TMEM9: variants seen among roughly 807,000 people sequenced by gnomAD.
TMEM9 encodes the protein proton-transporting V-type ATPase complex assembly regulator TMEM9.
Under a neutral mutation model 22.8 loss-of-function variants are expected in TMEM9, and 13 were observed. That is an observed-to-expected ratio of 0.57 (90% CI 0.37 to 0.91). The LOEUF (loss-of-function observed/expected upper bound fraction) is 0.91, where lower values mean the gene tolerates loss of function less well. TMEM9 is among the 40% of genes least tolerant of loss of function. The pLI is 0.01. For synonymous variants in TMEM9, 88 were observed against 93.0 expected (o/e 0.95, Z 0.31); for missense variants, 182 against 238.1 (o/e 0.76, Z 1.55).
In TMEM9 at chr1:201,165,957, G is replaced by A. The variant is rs570125935; in HGVS notation, c.-37+5533C>T. On this transcript the variant is annotated intron_variant, in intron 1 of 5. Coordinates refer to the TMEM9 transcript ENST00000367333. ...CTTTCTTCGTGGTCCAGGACATAGA[G>A]CCCTCCCGTGCAAATATCTCACAAT... 6.9e-4 allele frequency among the ~76,000 whole-genome samples: 105 copies of A among 152,260 alleles called. 1 individual carries two copies. The highest frequency in any genetic ancestry group is 1.3e-3 in the Non-Finnish European group (86 of 68,012).
At chr1:201,148,878 T>G (rs12028763) in intron 2 of TMEM9, among the ~76,000 whole-genome samples, 6,879 of 151,586 alleles carry the variant, frequency 0.045, 325 homozygotes, top group East Asian at 0.15. Context: ...AGGCCTTGCA[T>G]GCTGCTTCCG....
At chr1:201,147,158 C>T (rs1394243584) in intron 2 of TMEM9, among the ~76,000 whole-genome samples, 6 of 152,188 alleles carry the variant, frequency 3.9e-5, no homozygotes, top group Non-Finnish European at 7.3e-5. Flanking sequence ...TATGTTCTCC[C>T]GGCATGTGCT....
chr1:201,137,737 C>T (rs539434601), intron 4 of TMEM9, among the ~76,000 whole-genome samples: 138 of 152,326 alleles, frequency 9.1e-4, no homozygotes, highest in Non-Finnish European at 1.5e-3. Flanking sequence ...TGTCACAGAG[C>T]TAGGGCTCAA....
chr1:201,159,484 TACACACACACACACAC>T (rs60273477), upstream of TMEM9, among the ~76,000 whole-genome samples: 17,689 of 147,658 alleles, frequency 0.12, 1,298 homozygotes, highest in Non-Finnish European at 0.17. Context: ...TGCCTTTTTA[TACACACACACACACAC>T]ACACACACAC....
chr1:201,154,571 G>C (rs1665717052), upstream of TMEM9: 1 of 152,290 alleles, frequency 6.6e-6, no homozygotes, highest in South Asian at 2.1e-4. Context: ...CCTTCACCTG[G>C]GCGGGGAGAC....
intron 4 of TMEM9, among the ~76,000 whole-genome samples, chr1:201,142,926 C>T (rs1330587122): frequency 2.6e-5 from 4 of 152,280 alleles, no homozygotes; most frequent in Non-Finnish European, 5.9e-5. Context: ...CTCATCACAA[C>T]TCTGCTCAGC....
chr1:201,150,183 G>T (rs983995139), intron 2 of TMEM9, among the ~76,000 whole-genome samples: 1 of 152,134 alleles, frequency 6.6e-6, no homozygotes, highest in African/African-American at 2.4e-5. Flanking sequence ...TCTGGTGAAG[G>T]GCTAAGACAG....
Position 201,153,917 on chromosome 1 carries a change from G to T in TMEM9, c.7C>A (p.Leu3Ile). Residue 3 changes from leucine to isoleucine, a missense_variant, in exon 1 of 5, where the codon CTC (leucine) becomes ATC (isoleucine). Leu to Ile is a conservative substitution (Grantham distance 5). Coordinates refer to ENST00000367330, the MANE Select transcript of TMEM9 (RefSeq NM_001288565.2). ...CCGACCACAGCCACCAAAGATAAGAGCTTCATGCTTATCAGGCTTGCTGGG... is the reference window on the plus strand; with the variant it reads ...CCGACCACAGCCACCAAAGATAAGATCTTCATGCTTATCAGGCTTGCTGGG... MK[L>I]LSLVAVVGCL... The T allele has an allele frequency of 6.2e-7, 1 of 1,611,586 alleles. No homozygotes were observed. The highest frequency in any genetic ancestry group is 8.5e-7 in the Non-Finnish European group (1 of 1,178,472).
intron 1 of TMEM9, among the ~76,000 whole-genome samples, chr1:201,152,611 T>C (rs937813829): frequency 1.3e-5 from 2 of 152,222 alleles, no homozygotes; most frequent in African/African-American, 4.8e-5. Context: ...TGTATAGGAC[T>C]TTACACTTAC....
In TMEM9 at chr1:201,135,359, G is replaced by GA; in HGVS notation, c.*303dup. The GA allele has an allele frequency of 4.0e-6, 1 of 248,270 alleles. No homozygotes were observed. Among genetic ancestry groups the GA allele is most frequent in the Non-Finnish European group, 7.7e-6 (1 of 130,126 alleles). 15.4% of individuals were successfully genotyped at this position (248,270 alleles called of 1,614,324 possible). A position where few individuals can be genotyped will look rare whatever the true frequency, so the allele number is the denominator to read the frequency against. The stretch of plus-strand genomic sequence containing the variant: ...TGGAAGGCGGCAAGAGTGGAGCCAG[G>GA]AGAGACAGATCGCATCCACTCCTGA... On this transcript the variant is annotated 3_prime_UTR_variant, in exon 5 of 5. Coordinates refer to ENST00000367330, the MANE Select transcript of TMEM9 (RefSeq NM_001288565.2).
chr1:201,153,362 T>C (rs1478007531), intron 1 of TMEM9, among the ~76,000 whole-genome samples: 4 of 152,262 alleles, frequency 2.6e-5, no homozygotes, highest in Non-Finnish European at 4.4e-5. Context: ...TCAGTGTAGA[T>C]AAACTTTGTT....
rs1281411794 is a variant in TMEM9, at chr1:201,144,129, CCCTACT to C, written c.268-184_268-179del. 9.7e-6 allele frequency: 6 copies of C among 616,878 alleles called. No homozygotes were observed. The East Asian group carries it at 1.2e-4, about 12-fold the overall frequency. 38.2% of individuals were successfully genotyped at this position (616,878 alleles called of 1,614,324 possible). On this transcript the variant is annotated intron_variant, in intron 3 of 4. Coordinates refer to ENST00000367330, the MANE Select transcript of TMEM9 (RefSeq NM_001288565.2). ...GCATGCCCAGAAAGGAAAGGGAGGG[CCCTACT>C]CCACAGAGGAAGCACTCTGTCCTAA...
intron 4 of TMEM9, among the ~76,000 whole-genome samples, chr1:201,140,109 C>T (rs770231378): frequency 3.3e-5 from 5 of 152,222 alleles, no homozygotes; most frequent in African/African-American, 7.2e-5. Context: ...CTCAGTGGCC[C>T]GAGTCTTCTC....
intron 4 of TMEM9, among the ~76,000 whole-genome samples, chr1:201,138,327 T>C (rs1664188118): frequency 6.6e-6 from 1 of 152,194 alleles, no homozygotes; most frequent in African/African-American, 2.4e-5. Context: ...AACAAACAGC[T>C]CCTAAGTGGG....
intron 3 of TMEM9, 30 bp from the exon 4 acceptor site, chr1:201,143,981 CA>C: frequency 6.2e-7 from 1 of 1,612,630 alleles, no homozygotes; most frequent in Non-Finnish European, 8.5e-7. Context: ...GCCTATGAAC[CA>C]TTATCTGAGG....
chr1:201,150,363 T>C (rs993855223), intron 2 of TMEM9, among the ~76,000 whole-genome samples: 4 of 152,200 alleles, frequency 2.6e-5, no homozygotes, highest in Non-Finnish European at 5.9e-5. Flanking sequence ...GGCATGATAA[T>C]ATACATTAAT....
chr1:201,166,303 G>C (rs1320021605), intron 1 of TMEM9, among the ~76,000 whole-genome samples: 1 of 151,384 alleles, frequency 6.6e-6, no homozygotes, highest in South Asian at 2.1e-4. Context: ...TACTGTGTAT[G>C]AGCTTCACAA....
intron 3 of TMEM9, chr1:201,145,011 C>T (rs1664845183): frequency 6.6e-6 from 1 of 152,272 alleles, no homozygotes; most frequent in Non-Finnish European, 1.5e-5. Flanking sequence ...GCTGGGTGCC[C>T]CGCTCAGCCA....
At chr1:201,150,403 G>A (rs1381565262) in intron 2 of TMEM9, among the ~76,000 whole-genome samples, 1 of 152,190 alleles carries the variant, frequency 6.6e-6, no homozygotes, top group Non-Finnish European at 1.5e-5. Flanking sequence ...AGCATTTACT[G>A]TGTGCCAGGT....
Sources: allele counts gnomAD v4.1 joint callset (sites outside exome capture counted in the v4.1 genomes callset), GRCh38; gene constraint gnomAD v4.1.1; transcripts MANE v1.5; gene names NCBI Gene and HGNC (gene_info 2026-07-23, HGNC 2026-07-21).